NFIC: variants seen among roughly 807,000 people sequenced by gnomAD.
NFIC encodes the protein nuclear factor 1 C-type.
A neutral mutation model predicts 54.4 loss-of-function variants in NFIC; 12 were observed. The ratio of observed to expected loss-of-function variants is 0.22; its 90% confidence interval spans 0.14 to 0.36. The LOEUF (loss-of-function observed/expected upper bound fraction) is 0.36, where lower values mean the gene tolerates loss of function less well. Ranked by LOEUF, NFIC falls within the 10% of genes least tolerant of loss-of-function variation. The pLI is 1.00. For synonymous variants in NFIC, 322 were observed against 319.2 expected (o/e 1.01, Z -0.09); for missense variants, 575 against 718.2 (o/e 0.80, Z 2.28).
At chr19:3,361,586 C>T (rs1357849245), upstream of NFIC, among the ~76,000 whole-genome samples, 6 of 150,578 alleles carry the variant, frequency 4.0e-5, no homozygotes. Context: ...TCTTGACATC[C>T]CATCATGGGG....
intron 2 of NFIC, among the ~76,000 whole-genome samples, chr19:3,397,069 G>A (rs76304063): frequency 0.053 from 7,998 of 152,192 alleles, 245 homozygotes; most frequent in Middle Eastern, 0.15. Context: ...GATTGCAGGC[G>A]TATTGAGGGC....
At chr19:3,456,446 C>T (rs759320468) in intron 9 of NFIC, 104 bp from the exon 10 acceptor site, 12 of 1,123,074 alleles carry the variant, frequency 1.1e-5, no homozygotes, top group African/African-American at 1.5e-5. Flanking sequence ...GTGCAGAGGC[C>T]CGGCTGTGTG....
rs1395492258 is a variant in NFIC, at chr19:3,463,810, G to T, written c.*1041G>T. ...TGGAGCGCCCCCGTCAGCCCCTGGC[G>T]GTGGGAGGTGAGAGCGAGTGGTTTA... On this transcript the variant is annotated 3_prime_UTR_variant, in exon 11 of 11. Coordinates refer to ENST00000443272, the MANE Select transcript of NFIC (RefSeq NM_001245002.2). The T allele has an allele frequency of 2.0e-6, 2 of 985,250 alleles. No individual in the cohort carries two copies. The highest frequency in any genetic ancestry group is 1.1e-4 in the East Asian group (1 of 8,770). The allele number at this position is 985,250 out of a possible 1,614,324, so 61.0% of individuals were successfully genotyped here.
intron 2 of NFIC, among the ~76,000 whole-genome samples, chr19:3,416,916 C>T (rs1036964066): frequency 2.1e-5 from 3 of 142,946 alleles, no homozygotes; most frequent in African/African-American, 7.9e-5. Flanking sequence ...TGGAGTCTCG[C>T]TCCGTCGCCC....
chr19:3,404,274 C>G (rs1017166083), intron 2 of NFIC, among the ~76,000 whole-genome samples: 2 of 151,882 alleles, frequency 1.3e-5, no homozygotes, highest in Non-Finnish European at 1.5e-5. Flanking sequence ...TCAGTCCACT[C>G]CCCCCCACCC....
chr19:3,418,687 A>G (rs1345095899), intron 2 of NFIC, among the ~76,000 whole-genome samples: 2 of 152,142 alleles, frequency 1.3e-5, no homozygotes, highest in East Asian at 1.9e-4. Context: ...TCCTGTCTCT[A>G]CTAAAAATGC....
chr19:3,400,903 A>G (rs2081545462), intron 2 of NFIC, among the ~76,000 whole-genome samples: 1 of 152,234 alleles, frequency 6.6e-6, no homozygotes, highest in Non-Finnish European at 1.5e-5. Flanking sequence ...AGGACTATCA[A>G]GAAAAATAAA....
intron 6 of NFIC, among the ~76,000 whole-genome samples, chr19:3,438,579 A>T (rs1475238582): frequency 1.3e-5 from 2 of 151,950 alleles, no homozygotes; most frequent in African/African-American, 4.8e-5. Flanking sequence ...CTGGGACTAC[A>T]GGCACCCACT....
At chr19:3,377,333 CAAA>C (rs71164684) in intron 1 of NFIC, among the ~76,000 whole-genome samples, 3 of 57,860 alleles carry the variant, frequency 5.2e-5, no homozygotes, top group African/African-American at 1.5e-4. Flanking sequence ...GACTCTGTCT[CAAA>C]AAAAAAAAAA....
chr19:3,414,486 T>G (rs1255380668), intron 2 of NFIC, among the ~76,000 whole-genome samples: 1 of 151,856 alleles, frequency 6.6e-6, no homozygotes, highest in Non-Finnish European at 1.5e-5. Context: ...TCCCAGCTAC[T>G]CTGGAGGCTG....
At chr19:3,383,714 G>A (rs2081249031) in intron 2 of NFIC, among the ~76,000 whole-genome samples, 1 of 152,240 alleles carries the variant, frequency 6.6e-6, no homozygotes, top group Non-Finnish European at 1.5e-5. Context: ...GCCAGAGCAT[G>A]TGGGATGGGT....
At chr19:3,460,729 G>C (rs1234363917) in intron 10 of NFIC, among the ~76,000 whole-genome samples, 1 of 151,946 alleles carries the variant, frequency 6.6e-6, no homozygotes, top group Non-Finnish European at 1.5e-5. Context: ...GGCCAGGCTG[G>C]TCTCGAACCC....
chr19:3,424,246 T>G (rs1289961268), intron 2 of NFIC, among the ~76,000 whole-genome samples: 1 of 152,168 alleles, frequency 6.6e-6, no homozygotes, highest in Non-Finnish European at 1.5e-5. Context: ...CAGGCTGGTC[T>G]TCAACTCCTG....
At chr19:3,371,940 C>T (rs1457723181) in intron 1 of NFIC, among the ~76,000 whole-genome samples, 2 of 127,820 alleles carry the variant, frequency 1.6e-5, no homozygotes, top group Non-Finnish European at 3.2e-5. Context: ...TCCTTCCTTC[C>T]CTCCCTCCCT....
chr19:3,401,804 C>T (rs1160226340), intron 2 of NFIC, among the ~76,000 whole-genome samples: 1 of 152,142 alleles, frequency 6.6e-6, no homozygotes, highest in Non-Finnish European at 1.5e-5. Flanking sequence ...TCACTACAAC[C>T]TCTGCCTCAC....
At chr19:3,362,453 G>T (rs2080823070), upstream of NFIC, among the ~76,000 whole-genome samples, 1 of 151,820 alleles carries the variant, frequency 6.6e-6, no homozygotes, top group African/African-American at 2.4e-5. Context: ...CTTTGAGGAG[G>T]TATCTGAGGT....
In NFIC at chr19:3,381,811, A is replaced by C; in HGVS notation, c.130A>C (p.Lys44Gln). Reference protein sequence around the residue: ...LQARKRKYFKKHEKRMSKDEE... With the variant: ...LQARKRKYFKQHEKRMSKDEE... The stretch of plus-strand genomic sequence containing the variant: ...GGCGCGGAAGCGCAAGTACTTCAAG[A>C]AGCACGAGAAGCGGATGTCGAAGGA... The change falls in exon 2 of 11, where the codon AAG (lysine) becomes CAG (glutamine). Residue 44 changes from lysine to glutamine, a missense_variant. Around this residue, in one of 3 missense-constraint regions of NFIC, gnomAD observed 122 missense variants for 158.0 expected, o/e 0.77. Coordinates refer to ENST00000443272, the MANE Select transcript of NFIC (RefSeq NM_001245002.2). The C allele has an allele frequency of 6.2e-7, 1 of 1,614,022 alleles. No homozygotes were observed. Among genetic ancestry groups the C allele is most frequent in the East Asian group, 2.2e-5 (1 of 44,878 alleles).
intron 6 of NFIC, among the ~76,000 whole-genome samples, chr19:3,438,995 C>CA (rs1317200906): frequency 1.3e-5 from 2 of 152,068 alleles, no homozygotes; most frequent in African/African-American, 4.8e-5. Flanking sequence ...ATCAGGCTGA[C>CA]AGAGCAGTGA....
intron 2 of NFIC, among the ~76,000 whole-genome samples, chr19:3,421,258 GGCCTGCTGAGACGCCAGCTGGGCACTGCA>G (rs1225703738): frequency 2.0e-5 from 3 of 147,396 alleles, no homozygotes; most frequent in African/African-American, 2.7e-5. Flanking sequence ...TGGGCACTGC[GGCCTGCTGAGACGCCAGCTGGGCACTGCA>G]GCCTGCTGAG....
Sources: allele counts gnomAD v4.1 joint callset (sites outside exome capture counted in the v4.1 genomes callset), GRCh38; gene constraint gnomAD v4.1.1; regional missense constraint gnomAD v4.1.1; transcripts MANE v1.5; gene names NCBI Gene and HGNC (gene_info 2026-07-23, HGNC 2026-07-21).